The following RBPMS variants were observed in gnomAD, a reference collection of about 807,000 sequenced individuals.
The protein encoded by RBPMS is RNA-binding protein with multiple splicing.
Under a neutral mutation model 26.8 loss-of-function variants are expected in RBPMS, and 7 were observed. The observed-to-expected ratio is 0.26, with a 90% CI of 0.15 to 0.49. The LOEUF (loss-of-function observed/expected upper bound fraction) is 0.49, where lower values mean the gene tolerates loss of function less well. Among genes scored for constraint, RBPMS ranks in the 20% least tolerant of loss-of-function variants. The pLI is 0.98. For synonymous variants in RBPMS, 96 were observed against 93.3 expected (o/e 1.03, Z -0.17); for missense variants, 186 against 250.0 (o/e 0.74, Z 1.73).
At chr8:30,389,102 A>C (rs1431121187) in intron 1 of RBPMS, among the ~76,000 whole-genome samples, 1 of 152,226 alleles carries the variant, frequency 6.6e-6, no homozygotes, top group Non-Finnish European at 1.5e-5. Flanking sequence ...GTCAATCTAC[A>C]TTGTGACTTC....
intron 1 of RBPMS, among the ~76,000 whole-genome samples, chr8:30,455,447 A>T (rs1416505166): frequency 6.6e-6 from 1 of 151,082 alleles, no homozygotes; most frequent in African/African-American, 2.4e-5. Context: ...AAAAAAAAGT[A>T]AGTCCTGACT....
chr8:30,446,854 C>CACGT (rs113940653), intron 1 of RBPMS: 35,552 of 136,512 alleles, frequency 0.26, 5,128 homozygotes, highest in East Asian at 0.36. Context: ...CGCGCGCGCG[C>CACGT]GCGCGGTGGA....
chr8:30,441,814 C>CT (rs1474526973), intron 1 of RBPMS, among the ~76,000 whole-genome samples: 22 of 152,056 alleles, frequency 1.4e-4, no homozygotes, highest in Non-Finnish European at 2.2e-4. Flanking sequence ...CTTTATTTTT[C>CT]TTTTTTTGAG....
At chr8:30,568,966 ATGTTCCTTCTCCCTTCAGATTAG>A (rs1828082334) in intron 8 of RBPMS, among the ~76,000 whole-genome samples, 1 of 149,770 alleles carries the variant, frequency 6.7e-6, no homozygotes, top group African/African-American at 2.5e-5. Context: ...CCTCCTGCCT[ATGTTCCTTCTCCCTTCAGATTAG>A]CCCTCCTAGG....
intron 5 of RBPMS, among the ~76,000 whole-genome samples, chr8:30,542,674 AAAC>A (rs1377608043): frequency 6.6e-6 from 1 of 152,254 alleles, no homozygotes; most frequent in Non-Finnish European, 1.5e-5. Context: ...CCTGGTCGCT[AAAC>A]AACAATAATA....
At chr8:30,446,774 G>A (rs1463061127) in intron 1 of RBPMS, among the ~76,000 whole-genome samples, 1 of 148,070 alleles carries the variant, frequency 6.8e-6, no homozygotes, top group East Asian at 2.1e-4. Flanking sequence ...GGGACTACAG[G>A]CACATGCCAC....
intron 1 of RBPMS, among the ~76,000 whole-genome samples, chr8:30,454,617 G>A (rs567545371): frequency 1.3e-5 from 2 of 152,162 alleles, no homozygotes; most frequent in Non-Finnish European, 2.9e-5. Context: ...AGAAGGATTT[G>A]TTTCTTATAA....
chr8:30,519,186 C>G (rs905699801), intron 5 of RBPMS, among the ~76,000 whole-genome samples: 1 of 152,010 alleles, frequency 6.6e-6, no homozygotes, highest in Non-Finnish European at 1.5e-5. Flanking sequence ...GTTTTATCTG[C>G]TTGGAGGGTA....
chr8:30,484,261 C>A (rs1234126194), intron 4 of RBPMS, among the ~76,000 whole-genome samples: 1 of 152,156 alleles, frequency 6.6e-6, no homozygotes, highest in Non-Finnish European at 1.5e-5. Context: ...TGGATTCTTG[C>A]TAAATGCTGT....
At chr8:30,548,486 C>A (rs564222156) in intron 6 of RBPMS, among the ~76,000 whole-genome samples, 1 of 152,290 alleles carries the variant, frequency 6.6e-6, no homozygotes, top group East Asian at 1.9e-4. Flanking sequence ...CCTCATTTGT[C>A]CAGAGTAACA....
chr8:30,456,988 G>A (rs1815293953), intron 1 of RBPMS, among the ~76,000 whole-genome samples: 1 of 152,200 alleles, frequency 6.6e-6, no homozygotes, highest in Non-Finnish European at 1.5e-5. Flanking sequence ...CTGGGATGTT[G>A]GTCGTATCTT....
chr8:30,429,824 C>T (rs190936476), intron 1 of RBPMS, among the ~76,000 whole-genome samples: 4 of 152,196 alleles, frequency 2.6e-5, no homozygotes, highest in East Asian at 3.9e-4. Flanking sequence ...CAATTTGTGA[C>T]TGTTTAATTT....
At chr8:30,500,395 T>A (rs1170551029) in intron 4 of RBPMS, among the ~76,000 whole-genome samples, 2 of 152,010 alleles carry the variant, frequency 1.3e-5, no homozygotes, top group Non-Finnish European at 2.9e-5. Context: ...TCAATATGTA[T>A]ATATAGCTCT....
intron 1 of RBPMS, among the ~76,000 whole-genome samples, chr8:30,466,846 C>T (rs1042619233): frequency 5.9e-5 from 9 of 152,082 alleles, no homozygotes; most frequent in South Asian, 2.1e-4. Flanking sequence ...CCACCTGCCT[C>T]GGCCTCCCAA....
At chr8:30,488,988 T>C (rs1819088540) in intron 4 of RBPMS, among the ~76,000 whole-genome samples, 2 of 152,212 alleles carry the variant, frequency 1.3e-5, no homozygotes, top group African/African-American at 4.8e-5. Flanking sequence ...CTGTTGATCG[T>C]GGCCACCTCA....
At chr8:30,410,709 T>C (rs1809266698) in intron 1 of RBPMS, among the ~76,000 whole-genome samples, 1 of 148,758 alleles carries the variant, frequency 6.7e-6, no homozygotes, top group Non-Finnish European at 1.5e-5. Context: ...ATTGAAATTT[T>C]CTTTTTTCCT....
intron 5 of RBPMS, among the ~76,000 whole-genome samples, chr8:30,517,224 G>GTT (rs1020532159): frequency 6.7e-6 from 1 of 149,582 alleles, no homozygotes; most frequent in Non-Finnish European, 1.5e-5. Flanking sequence ...GTGTGTGTGT[G>GTT]TGTGTGTGTG....
chr8:30,447,431 G>C (rs918083938), intron 1 of RBPMS, among the ~76,000 whole-genome samples: 26 of 152,174 alleles, frequency 1.7e-4, no homozygotes, highest in African/African-American at 4.8e-5. Flanking sequence ...GTGTAATAGT[G>C]CAATGTTTTG....
At chr8:30,524,398 T>G (rs1823363404) in intron 5 of RBPMS, among the ~76,000 whole-genome samples, 1 of 152,186 alleles carries the variant, frequency 6.6e-6, no homozygotes, top group Non-Finnish European at 1.5e-5. Flanking sequence ...TCCAAATTTT[T>G]ATTTTCTTAT....
Sources: allele counts gnomAD v4.1 joint callset (sites outside exome capture counted in the v4.1 genomes callset), GRCh38; gene constraint gnomAD v4.1.1; transcripts MANE v1.5; gene names NCBI Gene and HGNC (gene_info 2026-07-23, HGNC 2026-07-21).